Variants in PDCD6IP observed in about 807,000 individuals in gnomAD.
PDCD6IP encodes programmed cell death 6 interacting protein.
In PDCD6IP, 43 loss-of-function variants were observed where a neutral mutation model predicts 103.7. That is an observed-to-expected ratio of 0.41 (90% confidence interval 0.32 to 0.53). The LOEUF (loss-of-function observed/expected upper bound fraction) is 0.53, where lower values mean the gene tolerates loss of function less well. Among genes scored for constraint, PDCD6IP ranks in the 20% least tolerant of loss-of-function variants. PDCD6IP has a pLI of 0.16. For synonymous variants in PDCD6IP, 354 were observed against 378.7 expected (o/e 0.93, Z 0.76); for missense variants, 871 against 1,036.7 (o/e 0.84, Z 2.20).
rs187796410 is a variant in PDCD6IP at position 33,814,776 on chromosome 3, G to T, written c.334+1148G>T. ...ATACTTACATATACACACATATATA[G>T]TATATTTGTATACATATATACATTT... On this transcript the variant is annotated intron_variant, in intron 3 of 17. Coordinates refer to ENST00000307296, the MANE Select transcript of PDCD6IP (RefSeq NM_013374.6). Among the ~76,000 whole-genome samples, 40 of 143,798 alleles carry T rather than the reference G, an allele frequency of 2.8e-4. 1 individual carries two copies. Among genetic ancestry groups the T allele is most frequent in the Admixed American group, 7.8e-4 (11 of 14,124 alleles). 94.3% of individuals were successfully genotyped at this position (143,798 alleles called of 152,430 possible).
At chr3:33,852,936 T>C (rs1697751136) in intron 13 of PDCD6IP, among the ~76,000 whole-genome samples, 200 bp downstream of exon 13, 1 of 151,200 alleles carries the variant, frequency 6.6e-6, no homozygotes, top group Non-Finnish European at 1.5e-5. Flanking sequence ...TTTTTTTTTT[T>C]TTTTTGAGAT....
Position 33,868,960 on chromosome 3 carries a change from CAT to C in PDCD6IP, c.*2436_*2437del, listed in dbSNP as rs937664412. On this transcript the variant is annotated 3_prime_UTR_variant, in exon 18 of 18. Coordinates refer to ENST00000307296, the MANE Select transcript of PDCD6IP (RefSeq NM_013374.6). ...TATTCTCAATTAAGAAAAACAGTCA[CAT>C]GTCACGACAAACCAATCAATCTTTA... 5.9e-5 allele frequency: 9 copies of C among 152,182 alleles called. No individual in the cohort carries two copies. The highest frequency in any genetic ancestry group is 2.2e-4 in the African/African-American group (9 of 41,430). 9.4% of individuals were successfully genotyped at this position (152,182 alleles called of 1,614,324 possible). A position where few individuals can be genotyped will look rare whatever the true frequency, so the allele number is the denominator to read the frequency against.
At chr3:33,822,971 A>C (rs964175116) in intron 4 of PDCD6IP, among the ~76,000 whole-genome samples, 2 of 151,938 alleles carry the variant, frequency 1.3e-5, no homozygotes, top group African/African-American at 4.8e-5. Context: ...GTTGTTTATT[A>C]TTTATTCAGC....
chr3:33,837,408 T>G (rs1337044555), intron 8 of PDCD6IP, among the ~76,000 whole-genome samples: 1 of 152,218 alleles, frequency 6.6e-6, no homozygotes, highest in African/African-American at 2.4e-5. Context: ...CCAGGCACTC[T>G]TTAAGCACTT....
At chr3:33,822,215 AT>A in intron 4 of PDCD6IP, 133 bp downstream of exon 4, 1 of 884,154 alleles carries the variant, frequency 1.1e-6, no homozygotes, top group Non-Finnish European at 1.7e-6. Flanking sequence ...TTTAAAATGA[AT>A]TTATTCTTAC....
chr3:33,861,683 A>T (rs1462833725), intron 15 of PDCD6IP, among the ~76,000 whole-genome samples: 1 of 152,202 alleles, frequency 6.6e-6, no homozygotes, highest in East Asian at 1.9e-4. Flanking sequence ...AATATATGAG[A>T]GTCCTGGTTG....
chr3:33,825,373 A>G (rs781406540), intron 5 of PDCD6IP, 33 bp downstream of exon 5: 3 of 1,546,066 alleles, frequency 1.9e-6, no homozygotes, highest in Non-Finnish European at 2.6e-6. Context: ...TTGCATGTGA[A>G]AAAAAGTGAT....
chr3:33,805,354 CA>C (rs11341586), intron 1 of PDCD6IP, among the ~76,000 whole-genome samples: 42,238 of 112,334 alleles, frequency 0.38, 6,037 homozygotes, highest in Admixed American at 0.49. Flanking sequence ...GATTCTGTCT[CA>C]AAAAAAAAAA....
intron 1 of PDCD6IP, among the ~76,000 whole-genome samples, chr3:33,802,269 G>A (rs902145388): frequency 1.3e-5 from 2 of 152,114 alleles, no homozygotes; most frequent in Admixed American, 1.3e-4. Flanking sequence ...ACAACACCCT[G>A]CCTATATGTT....
chr3:33,819,970 AC>A (rs112415805), intron 3 of PDCD6IP, among the ~76,000 whole-genome samples: 3,112 of 152,268 alleles, frequency 0.02, 93 homozygotes, highest in African/African-American at 0.071. Context: ...ATCTTACAAA[AC>A]AAACTCTGCC....
chr3:33,800,113 C>T (rs1696438598), intron 1 of PDCD6IP, among the ~76,000 whole-genome samples: 1 of 105,198 alleles, frequency 9.5e-6, no homozygotes, highest in Non-Finnish European at 1.9e-5. Context: ...GAGTGAGACT[C>T]CATCTCAAAA....
chr3:33,854,132 A>G, intron 14 of PDCD6IP, 119 bp downstream of exon 14: 1 of 1,145,308 alleles, frequency 8.7e-7, no homozygotes, highest in South Asian at 1.9e-5. Flanking sequence ...TTTTAGCTTT[A>G]ATGCCATTGC....
At chr3:33,849,105 A>T (rs1487245740) in intron 12 of PDCD6IP, among the ~76,000 whole-genome samples, 2 of 152,224 alleles carry the variant, frequency 1.3e-5, no homozygotes, top group Non-Finnish European at 2.9e-5. Flanking sequence ...TCCTTTACCA[A>T]AAAAGTTTTT....
intron 13 of PDCD6IP, among the ~76,000 whole-genome samples, chr3:33,853,170 G>A (rs1311297314): frequency 1.3e-5 from 2 of 152,070 alleles, no homozygotes; most frequent in Non-Finnish European, 2.9e-5. Context: ...TGATCCTCCT[G>A]CCTTGGCCTC....
chr3:33,812,256 G>C (rs957626679), intron 2 of PDCD6IP, 130 bp downstream of exon 2: 7 of 1,271,588 alleles, frequency 5.5e-6, no homozygotes, highest in Admixed American at 4.2e-5. Flanking sequence ...TGTCTAATGC[G>C]AATATATGTG....
At chr3:33,850,368 T>C (rs1371414173) in intron 12 of PDCD6IP, among the ~76,000 whole-genome samples, 7 of 152,136 alleles carry the variant, frequency 4.6e-5, no homozygotes, top group African/African-American at 1.7e-4. Context: ...ATCTCGTTTT[T>C]TGAGTGTGTA....
At chr3:33,854,091 C>A (rs1369279050) in intron 14 of PDCD6IP, 78 bp downstream of exon 14, 11 of 1,441,632 alleles carry the variant, frequency 7.6e-6, no homozygotes, top group Non-Finnish European at 1.0e-5. Flanking sequence ...AGTGGTATTT[C>A]CAGTTGAACC....
intron 15 of PDCD6IP, among the ~76,000 whole-genome samples, chr3:33,859,019 G>C (rs1321549494): frequency 2.6e-5 from 4 of 152,156 alleles, no homozygotes; most frequent in Non-Finnish European, 4.4e-5. Flanking sequence ...AGGAATACTA[G>C]TTCTACCAGA....
chr3:33,809,477 TA>T (rs1575900557), intron 1 of PDCD6IP, among the ~76,000 whole-genome samples: 1 of 152,356 alleles, frequency 6.6e-6, no homozygotes, highest in African/African-American at 2.4e-5. Context: ...CCATATCCTG[TA>T]AGACCTTCAA....
Sources: allele counts gnomAD v4.1 joint callset (sites outside exome capture counted in the v4.1 genomes callset), GRCh38; gene constraint gnomAD v4.1.1; transcripts MANE v1.5; gene names NCBI Gene and HGNC (gene_info 2026-07-23, HGNC 2026-07-21).